The following SMIM41 variants were observed in gnomAD, a reference collection of about 807,000 sequenced individuals.
The protein encoded by SMIM41 is small integral membrane protein 41.
chr12:52,081,043 GT>G lies in SMIM41; in HGVS notation c.*120+863del, dbSNP rs1158265656. Reference sequence around the variant, plus strand: ...CCAGCTGTGGGGGCTCTGTCTGGGTGTCTCCCTCTGTCTCTCCAAGGACAGG... The same window carrying G: ...CCAGCTGTGGGGGCTCTGTCTGGGTGCTCCCTCTGTCTCTCCAAGGACAGG... On this transcript the variant is annotated intron_variant, in intron 1 of 2. Coordinates refer to ENST00000546390, the MANE Select transcript of SMIM41 (RefSeq NM_001369216.1). This position sits in a 1 kb window ranked among gnomAD's most constrained non-coding sequence, Gnocchi z 4.1. Among the ~76,000 whole-genome samples the G allele has an allele frequency of 6.6e-6, 1 of 152,126 alleles. No individual in the cohort carries two copies. The highest frequency in any genetic ancestry group is 2.4e-5 in the African/African-American group (1 of 41,404).
intron 2 of SMIM41, among the ~76,000 whole-genome samples, chr12:52,106,667 C>T (rs1260509836): frequency 6.6e-6 from 1 of 152,088 alleles, no homozygotes; most frequent in Non-Finnish European, 1.5e-5. Flanking sequence ...AACTCTAAGT[C>T]CCCCTAAGCT....
At chr12:52,102,228 C>T (rs969517747) in intron 2 of SMIM41, among the ~76,000 whole-genome samples, 5 of 152,154 alleles carry the variant, frequency 3.3e-5, no homozygotes, top group Non-Finnish European at 7.3e-5. Flanking sequence ...CAAAAATTAA[C>T]ACAAACTGGA....
rs534789447 is a variant in SMIM41 at position 52,093,941 on chromosome 12, G to T, written c.*195+9973G>T. 3.3e-5 allele frequency among the ~76,000 whole-genome samples: 5 copies of T among 152,074 alleles called. No homozygotes were observed. The East Asian group carries it at 9.8e-4, about 30-fold the overall frequency. On this transcript the variant is annotated intron_variant, in intron 2 of 2. Transcript: ENST00000546390. ...AGGTCAGAATTTTGAGAACAGCCTG[G>T]CCAACATGGTGAAACCCTGTCTCTA...
chr12:52,100,506 G>C (rs1254162291), intron 2 of SMIM41, among the ~76,000 whole-genome samples: 2 of 151,636 alleles, frequency 1.3e-5, no homozygotes, highest in Non-Finnish European at 1.5e-5. Context: ...GCCCAGGCTG[G>C]AGTGCAATGG....
At chr12:52,083,239 G>GT (rs1939842891) in intron 1 of SMIM41, among the ~76,000 whole-genome samples, 1 of 151,960 alleles carries the variant, frequency 6.6e-6, no homozygotes, top group African/African-American at 2.4e-5. Flanking sequence ...AGGCAGCAAC[G>GT]GTCTGACAGT....
intron 2 of SMIM41, among the ~76,000 whole-genome samples, chr12:52,103,447 G>A (rs533232722): frequency 6.6e-6 from 1 of 151,766 alleles, no homozygotes; most frequent in African/African-American, 2.4e-5. Flanking sequence ...TATCGTCAGT[G>A]AAATGAATAA....
intron 2 of SMIM41, among the ~76,000 whole-genome samples, chr12:52,099,783 T>C (rs2120709172): frequency 6.6e-6 from 1 of 150,976 alleles, no homozygotes; most frequent in East Asian, 2.0e-4. Context: ...ATCATCCTCT[T>C]TTTCCCTGGA....
chr12:52,097,496 ACCCCGGTC>A (rs1403455428), intron 2 of SMIM41, among the ~76,000 whole-genome samples: 1 of 151,986 alleles, frequency 6.6e-6, no homozygotes, highest in African/African-American at 2.4e-5. Context: ...AGTGATATCA[ACCCCGGTC>A]CCTCCCTGCA....
intron 2 of SMIM41, among the ~76,000 whole-genome samples, chr12:52,103,360 A>C (rs1209472834): frequency 1.3e-5 from 2 of 151,024 alleles, no homozygotes; most frequent in East Asian, 1.9e-4. Context: ...ATAAAACCAA[A>C]AAAAAAAAAA....
intron 2 of SMIM41, among the ~76,000 whole-genome samples, chr12:52,102,402 C>T (rs1940234644): frequency 6.6e-6 from 1 of 152,204 alleles, no homozygotes; most frequent in Non-Finnish European, 1.5e-5. Flanking sequence ...ATGACAGACA[C>T]TTTTGTACAT....
chr12:52,098,880 GA>G (rs1210728154), intron 2 of SMIM41, among the ~76,000 whole-genome samples: 6 of 151,860 alleles, frequency 4.0e-5, no homozygotes, highest in Non-Finnish European at 8.8e-5. Context: ...AGGGTATTCA[GA>G]ACAATATTAC....
intron 2 of SMIM41, among the ~76,000 whole-genome samples, chr12:52,107,059 A>T (rs1359374052): frequency 6.6e-6 from 1 of 152,230 alleles, no homozygotes; most frequent in Non-Finnish European, 1.5e-5. Flanking sequence ...TTTGTTATTT[A>T]TGATGATCTG....
At chr12:52,093,154 C>T (rs185920556) in intron 2 of SMIM41, among the ~76,000 whole-genome samples, 1 of 152,278 alleles carries the variant, frequency 6.6e-6, no homozygotes, top group East Asian at 1.9e-4. Context: ...GCTGAGATCT[C>T]ACCACTGCAC....
chr12:52,100,353 C>A lies in SMIM41; in HGVS notation c.*196-7026C>A, dbSNP rs560643540. 1.5e-3 allele frequency among the ~76,000 whole-genome samples: 226 copies of A among 152,268 alleles called. 2 individuals carry two copies. Among genetic ancestry groups the A allele is most frequent in the Non-Finnish European group, 2.3e-3 (156 of 68,012 alleles). On this transcript the variant is annotated intron_variant, in intron 2 of 2. Transcript: ENST00000546390. Reference sequence around the variant, plus strand: ...ACACAATATCACAAAAAGGTGTACACCCCCTGCAATATTGGGAGTAATATC... The same window carrying A: ...ACACAATATCACAAAAAGGTGTACAACCCCTGCAATATTGGGAGTAATATC...
At chr12:52,097,936 T>G (rs1940129160) in intron 2 of SMIM41, among the ~76,000 whole-genome samples, 1 of 151,668 alleles carries the variant, frequency 6.6e-6, no homozygotes, top group Admixed American at 6.6e-5. Context: ...CGAAGGAATG[T>G]TATCCTCTCC....
chr12:52,085,193 G>A (rs1444419089), intron 2 of SMIM41, among the ~76,000 whole-genome samples: 1 of 152,234 alleles, frequency 6.6e-6, no homozygotes, highest in African/African-American at 2.4e-5. Flanking sequence ...CACAGGCCCA[G>A]CATGATTCAG....
In SMIM41 at chr12:52,105,740, T is replaced by C. The variant is rs538730938; in HGVS notation, c.*196-1639T>C. The stretch of plus-strand genomic sequence containing the variant: ...TGCACTTCCAGCCTGGGCAACAGAA[T>C]GAGACTCCGTCTCAAAAAAACAAAA... On this transcript the variant is annotated intron_variant, in intron 2 of 2. Transcript: ENST00000546390. Among the ~76,000 whole-genome samples the C allele has an allele frequency of 4.6e-4, 70 of 152,124 alleles. No homozygotes were observed. In the South Asian group the frequency reaches 0.014, roughly 31 times the overall value.
chr12:52,086,752 G>A (rs911914651), intron 2 of SMIM41, among the ~76,000 whole-genome samples: 1 of 152,180 alleles, frequency 6.6e-6, no homozygotes. Context: ...TGTCACTCTG[G>A]TCCCTTGACC....
At chr12:52,080,496 T>G (rs1408830802) in intron 1 of SMIM41, among the ~76,000 whole-genome samples, 1 of 152,088 alleles carries the variant, frequency 6.6e-6, no homozygotes, top group Non-Finnish European at 1.5e-5. Flanking sequence ...TGTGGGGTGG[T>G]TGTGGAGGCA....
Sources: allele counts gnomAD v4.1 joint callset (sites outside exome capture counted in the v4.1 genomes callset), GRCh38; gene constraint gnomAD v4.1.1; non-coding constraint Gnocchi (gnomAD v3.1); transcripts MANE v1.5; gene names NCBI Gene and HGNC (gene_info 2026-07-23, HGNC 2026-07-21).